ACTR3C: variants seen among roughly 807,000 people sequenced by gnomAD.
The protein encoded by ACTR3C is actin related protein 3C, also known as actin-related protein 3C.
Under a neutral mutation model 26.3 loss-of-function variants are expected in ACTR3C, and 18 were observed. That is an observed-to-expected ratio of 0.68 (90% CI 0.47 to 1.01). The LOEUF (loss-of-function observed/expected upper bound fraction) is 1.01. Among genes scored for constraint, ACTR3C ranks in the 50% least tolerant of loss-of-function variants. ACTR3C has a pLI of 0.00. For synonymous variants in ACTR3C, 55 were observed against 94.5 expected, an observed-to-expected ratio of 0.58 and a Z score of 2.42; for missense variants, 184 against 250.7, an observed-to-expected ratio of 0.73 and a Z score of 1.80.
At chr7:150,222,670 C>G in the ACTR3C span, among the ~76,000 whole-genome samples, 1 of 152,158 alleles carries the variant, frequency 6.6e-6, no homozygotes, top group African/African-American at 2.4e-5. Flanking sequence ...CTGAGAGGAG[C>G]TCATCATGAT....
At chr7:150,138,780 C>T in the ACTR3C span, among the ~76,000 whole-genome samples, 1 of 152,290 alleles carries the variant, frequency 6.6e-6, no homozygotes. Context: ...ATGGCTTCAT[C>T]TGTACTTACA....
At chr7:149,937,882 G>A in the ACTR3C span, among the ~76,000 whole-genome samples, 21,557 of 152,044 alleles carry the variant, frequency 0.14, 1,784 homozygotes, top group African/African-American at 0.23. Context: ...CACGAGATGG[G>A]AGGTTGACTC....
At chr7:150,225,577 G>A in the ACTR3C span, among the ~76,000 whole-genome samples, 1 of 152,160 alleles carries the variant, frequency 6.6e-6, no homozygotes, top group Admixed American at 6.5e-5. Context: ...GAATGCAGTG[G>A]CAGTGCTGTG....
chr7:150,211,436 C>T, the ACTR3C span, among the ~76,000 whole-genome samples: 9 of 151,848 alleles, frequency 5.9e-5, no homozygotes, highest in African/African-American at 7.3e-5. Flanking sequence ...CATGCACCAC[C>T]GTGCCTGGCT....
the ACTR3C span, among the ~76,000 whole-genome samples, chr7:150,082,938 T>TCTTTTTTTC: frequency 1.1e-5 from 1 of 93,486 alleles, no homozygotes. Flanking sequence ...TTTTTTCTTT[T>TCTTTTTTTC]TTTTTTTTCT....
the ACTR3C span, among the ~76,000 whole-genome samples, chr7:150,070,702 C>T: frequency 2.4e-4 from 36 of 152,324 alleles, no homozygotes; most frequent in Middle Eastern, 3.4e-3. Context: ...CTGCCCCCCT[C>T]AGCCTCCCAA....
chr7:150,289,011 A>T (rs1836002050), intron 4 of ACTR3C, among the ~76,000 whole-genome samples: 1 of 150,954 alleles, frequency 6.6e-6, no homozygotes, highest in African/African-American at 2.5e-5. Flanking sequence ...TAAAGGAAGA[A>T]GATGCTTATG....
chr7:149,948,321 A>T, the ACTR3C span, among the ~76,000 whole-genome samples: 1 of 143,452 alleles, frequency 7.0e-6, no homozygotes, highest in Non-Finnish European at 1.5e-5. Context: ...CCACTGCAGC[A>T]TGGGCACAGG....
At chr7:150,084,879 TGA>T in the ACTR3C span, among the ~76,000 whole-genome samples, 1 of 151,976 alleles carries the variant, frequency 6.6e-6, no homozygotes, top group East Asian at 1.9e-4. Flanking sequence ...GAGATTCCAG[TGA>T]GAGACAACAG....
the ACTR3C span, among the ~76,000 whole-genome samples, chr7:150,084,972 C>T: frequency 6.6e-6 from 1 of 151,918 alleles, no homozygotes; most frequent in Non-Finnish European, 1.5e-5. Flanking sequence ...GAGATGGGAT[C>T]GATGAGGCTT....
At chr7:150,305,919 C>T (rs1236417234) in intron 1 of ACTR3C, among the ~76,000 whole-genome samples, 1 of 152,172 alleles carries the variant, frequency 6.6e-6, no homozygotes, top group Non-Finnish European at 1.5e-5. Context: ...CTTCAATTCA[C>T]TTTGATGGCT....
downstream of ACTR3C, among the ~76,000 whole-genome samples, chr7:150,240,194 C>A (rs1832102614): frequency 6.6e-6 from 1 of 152,200 alleles, no homozygotes; most frequent in African/African-American, 2.4e-5. Context: ...TCATGTTAAA[C>A]ATACATGACA....
chr7:149,931,068 G>A, the ACTR3C span, among the ~76,000 whole-genome samples: 1,329 of 152,270 alleles, frequency 8.7e-3, 10 homozygotes, highest in African/African-American at 0.031. Flanking sequence ...GTTTCGCCAT[G>A]TTGGCCAGGC....
the ACTR3C span, among the ~76,000 whole-genome samples, chr7:150,006,770 A>T: frequency 6.6e-6 from 1 of 152,138 alleles, no homozygotes; most frequent in African/African-American, 2.4e-5. Context: ...TCCCAAAAAA[A>T]TATACTTTTT....
chr7:150,011,692 T>A, the ACTR3C span, among the ~76,000 whole-genome samples: 2 of 152,170 alleles, frequency 1.3e-5, no homozygotes, highest in African/African-American at 4.8e-5. Context: ...TTTTATGACA[T>A]AATTTCAGGG....
the ACTR3C span, among the ~76,000 whole-genome samples, chr7:150,211,142 G>T: frequency 6.7e-6 from 1 of 148,624 alleles, no homozygotes; most frequent in Non-Finnish European, 1.5e-5. Flanking sequence ...CTTGCTGGAG[G>T]TCATAATTTT....
At chr7:149,908,888 T>C in the ACTR3C span, among the ~76,000 whole-genome samples, 1 of 151,988 alleles carries the variant, frequency 6.6e-6, no homozygotes, top group African/African-American at 2.4e-5. Context: ...TTCAAGTGAT[T>C]CTCCTGCCTC....
chr7:150,038,843 G>A, the ACTR3C span, among the ~76,000 whole-genome samples: 2 of 140,166 alleles, frequency 1.4e-5, no homozygotes, highest in African/African-American at 5.5e-5. Context: ...AAGAGCCAGT[G>A]GGGGAACCAG....
At chr7:150,161,222 A>ATATATTTATT in the ACTR3C span, among the ~76,000 whole-genome samples, 1 of 120,382 alleles carries the variant, frequency 8.3e-6, no homozygotes, top group African/African-American at 3.5e-5. Context: ...ATATATATAT[A>ATATATTTATT]TATTTATTAT....
Sources: allele counts gnomAD v4.1 joint callset (sites outside exome capture counted in the v4.1 genomes callset), GRCh38; gene constraint gnomAD v4.1.1; transcripts MANE v1.5; gene names NCBI Gene and HGNC (gene_info 2026-07-23, HGNC 2026-07-21).